Variants in BLTP1 observed in about 807,000 individuals in gnomAD.
BLTP1 encodes the protein bridge-like lipid transfer protein family member 1.
the BLTP1 span, chr4:122,343,971 T>C: frequency 9.5e-5 from 88 of 923,124 alleles, no homozygotes; most frequent in African/African-American, 8.9e-4. Flanking sequence ...TGGGTCACAA[T>C]TGTTAATTTA....
At chr4:122,237,171 T>G in the BLTP1 span, 1 of 985,428 alleles carries the variant, frequency 1.0e-6, no homozygotes, top group Admixed American at 6.1e-5. Flanking sequence ...CAGAGATGTT[T>G]TTTTCCATTA....
the BLTP1 span, among the ~76,000 whole-genome samples, chr4:122,195,809 G>A: frequency 2.0e-5 from 3 of 152,108 alleles, no homozygotes; most frequent in Non-Finnish European, 4.4e-5. Context: ...AAGTCTGTGA[G>A]ACTTAGTGTA....
At chr4:122,179,354 C>A in the BLTP1 span, among the ~76,000 whole-genome samples, 1 of 152,116 alleles carries the variant, frequency 6.6e-6, no homozygotes, top group Admixed American at 6.5e-5. Context: ...CAGTTCACAT[C>A]CCACCTTTAT....
At chr4:122,223,205 T>A in the BLTP1 span, 22 of 940,816 alleles carry the variant, frequency 2.3e-5, no homozygotes, top group African/African-American at 5.3e-5. Flanking sequence ...TGAATTTTTT[T>A]AAAAAAAGTT....
chr4:122,301,334 T>C, the BLTP1 span: 2 of 1,605,282 alleles, frequency 1.2e-6, no homozygotes, highest in South Asian at 2.2e-5. Flanking sequence ...GGAACGAACA[T>C]GATGGAACAG....
chr4:122,230,082 C>A, the BLTP1 span: 1 of 1,614,064 alleles, frequency 6.2e-7, no homozygotes, highest in Non-Finnish European at 8.5e-7. Flanking sequence ...CTACGGAGGG[C>A]CTATTGGCTT....
chr4:122,171,101 G>A, the BLTP1 span, among the ~76,000 whole-genome samples: 1 of 152,068 alleles, frequency 6.6e-6, no homozygotes, highest in African/African-American at 2.4e-5. Context: ...TAATTTTACT[G>A]TAAAAATAAT....
At chr4:122,276,245 GT>G in the BLTP1 span, 1 of 401,848 alleles carries the variant, frequency 2.5e-6, no homozygotes, top group Non-Finnish European at 4.0e-6. Flanking sequence ...TTGTTGACAA[GT>G]TGTAACACTG....
At chr4:122,174,533 A>G in the BLTP1 span, 1 of 1,599,116 alleles carries the variant, frequency 6.3e-7, no homozygotes, top group Non-Finnish European at 8.5e-7. Flanking sequence ...CTGTCTGTTA[A>G]AACAGTTACA....
chr4:122,243,061 A>G, the BLTP1 span: 2 of 1,612,454 alleles, frequency 1.2e-6, no homozygotes, highest in African/African-American at 1.3e-5. Flanking sequence ...TTCAGGATCA[A>G]CTTCAAAGTA....
At chr4:122,288,248 G>C in the BLTP1 span, among the ~76,000 whole-genome samples, 1 of 151,982 alleles carries the variant, frequency 6.6e-6, no homozygotes, top group African/African-American at 2.4e-5. Flanking sequence ...ACCTTAACTG[G>C]GTATCTCTGA....
chr4:122,255,110 ATTG>A, the BLTP1 span: 5 of 1,591,356 alleles, frequency 3.1e-6, no homozygotes, highest in East Asian at 2.2e-5. Context: ...CTCTAAATCT[ATTG>A]TTGTTTCTTG....
chr4:122,193,049 G>A, the BLTP1 span, among the ~76,000 whole-genome samples: 3 of 152,100 alleles, frequency 2.0e-5, no homozygotes, highest in Non-Finnish European at 4.4e-5. Context: ...TTGTTTTCCA[G>A]TATCTTCATG....
At chr4:122,238,008 T>C in the BLTP1 span, 1 of 1,314,174 alleles carries the variant, frequency 7.6e-7, no homozygotes, top group East Asian at 2.5e-5. Context: ...AAAATTATAC[T>C]TAAAAATGGA....
At chr4:122,328,650 A>C in the BLTP1 span, 1,039 of 983,012 alleles carry the variant, frequency 1.1e-3, 1 homozygote, top group Non-Finnish European at 1.2e-3. Flanking sequence ...AAATTAAAGG[A>C]GAGGGCTGTA....
At chr4:122,273,507 G>A in the BLTP1 span, 188 of 839,298 alleles carry the variant, frequency 2.2e-4, no homozygotes, top group Non-Finnish European at 2.7e-4. Context: ...AAAATTGTCA[G>A]TTTTTTCATC....
chr4:122,234,724 T>C, the BLTP1 span: 2 of 1,534,796 alleles, frequency 1.3e-6, no homozygotes, highest in African/African-American at 1.4e-5. Context: ...CATTTCTTAA[T>C]GATTTTTTTT....
chr4:122,350,322 T>C, the BLTP1 span: 55 of 985,098 alleles, frequency 5.6e-5, no homozygotes, highest in Non-Finnish European at 6.3e-5. Context: ...CACTCCACGC[T>C]CTTGAATAGT....
At chr4:122,161,435 CTT>C in the BLTP1 span, among the ~76,000 whole-genome samples, 15 of 140,406 alleles carry the variant, frequency 1.1e-4, no homozygotes, top group Admixed American at 7.1e-5. Context: ...CTTTTGTTTT[CTT>C]TTTTTTTTTT....
Sources: gnomAD v4.1 joint callset for allele counts (sites outside exome capture counted in the v4.1 genomes callset) on GRCh38, gnomAD v4.1.1 for gene constraint, MANE v1.5 for transcripts, NCBI Gene and HGNC (gene_info 2026-07-23, HGNC 2026-07-21) for gene names.